The following LARGE1 variants were observed in gnomAD, a reference collection of about 807,000 sequenced individuals.
LARGE1 encodes xylosyl- and glucuronyltransferase LARGE1.
In LARGE1, 43 loss-of-function variants were observed where a neutral mutation model predicts 87.6. The observed-to-expected ratio is 0.49, with a 90% CI of 0.38 to 0.63. The LOEUF (loss-of-function observed/expected upper bound fraction) is 0.63, where lower values mean the gene tolerates loss of function less well. LARGE1 is among the 30% of genes least tolerant of loss of function. LARGE1 has a pLI of 0.00. For missense variants in LARGE1, 802 were observed against 1,000.2 expected, an observed-to-expected ratio of 0.80 and a Z score of 2.67; for synonymous variants, 434 against 394.6, an observed-to-expected ratio of 1.10 and a Z score of -1.18.
chr22:33,306,114 G>C (rs1220957243), intron 11 of LARGE1, among the ~76,000 whole-genome samples: 3 of 152,136 alleles, frequency 2.0e-5, no homozygotes, highest in Non-Finnish European at 4.4e-5. Context: ...AAAGTGCTGG[G>C]CTTACAGGCG....
chr22:33,385,211 C>G (rs1278417584), intron 7 of LARGE1, among the ~76,000 whole-genome samples: 1 of 148,538 alleles, frequency 6.7e-6, no homozygotes, highest in Admixed American at 6.7e-5. Context: ...GGGAAACTCC[C>G]CTTGTCTATA....
chr22:33,725,378 T>A (rs551984164), intron 2 of LARGE1, among the ~76,000 whole-genome samples: 1 of 152,322 alleles, frequency 6.6e-6, no homozygotes, highest in Admixed American at 6.5e-5. Context: ...AACTGTGCAA[T>A]AGTGCCTTTC....
intron 5 of LARGE1, among the ~76,000 whole-genome samples, chr22:33,595,315 G>A (rs1417720173): frequency 1.3e-5 from 2 of 152,076 alleles, no homozygotes; most frequent in South Asian, 2.1e-4. Flanking sequence ...CAATGCTCAG[G>A]ATGAGAAAAA....
chr22:33,383,934 A>G (rs1024280850), intron 8 of LARGE1, among the ~76,000 whole-genome samples: 1 of 152,196 alleles, frequency 6.6e-6, no homozygotes, highest in African/African-American at 2.4e-5. Context: ...TATCTCTGTC[A>G]TCCTTTTTCT....
At chr22:33,289,308 C>G (rs1012006717) in intron 12 of LARGE1, among the ~76,000 whole-genome samples, 1 of 152,130 alleles carries the variant, frequency 6.6e-6, no homozygotes, top group Admixed American at 6.5e-5. Flanking sequence ...CTTGCTGATA[C>G]AATGGGAAGC....
intron 1 of LARGE1, among the ~76,000 whole-genome samples, chr22:33,836,627 C>T (rs902595021): frequency 3.3e-5 from 5 of 152,108 alleles, no homozygotes; most frequent in Admixed American, 2.0e-4. Context: ...TCCATGGCTT[C>T]GAGTGGCAGC....
Position 33,368,662 on chromosome 22 carries a change from A to G in LARGE1, c.1131+13257T>C, listed in dbSNP as rs556946137. On this transcript the variant is annotated intron_variant, in intron 9 of 14. Transcript: ENST00000397394. Reference sequence around the variant, plus strand: ...TGTGTGTGCCTGTTTGTGTATATGTATTTGGACAGATATATATACAGGCAT... The same window carrying G: ...TGTGTGTGCCTGTTTGTGTATATGTGTTTGGACAGATATATATACAGGCAT... 4.2e-4 allele frequency among the ~76,000 whole-genome samples: 64 copies of G among 151,748 alleles called. 1 individual carries two copies. The highest frequency in any genetic ancestry group is 4.1e-4 in the Non-Finnish European group (28 of 67,952).
rs146284397 is a variant in LARGE1, at chr22:33,235,524, G to A, written c.1731-68692C>T. Reference sequence around the variant, plus strand: ...GTAGTTGCAAATGTTGGCTGAGGCTGTAGTCACATGAAAGCTTCATTAGAC... The same window carrying A: ...GTAGTTGCAAATGTTGGCTGAGGCTATAGTCACATGAAAGCTTCATTAGAC... On this transcript the variant is annotated intron_variant, in intron 11 of 11. Transcript: ENST00000608642. Among the ~76,000 whole-genome samples, 7 of 152,312 alleles carry A rather than the reference G, an allele frequency of 4.6e-5. 1 individual carries two copies. In the East Asian group the frequency reaches 1.4e-3, roughly 29 times the overall value.
Position 33,623,490 on chromosome 22 carries a change from C to T in LARGE1, c.491+2754G>A, listed in dbSNP as rs151136324. ...GACAGCCTCTACGGTGAACTGTTAT[C>T]TATTTGTTGATTGCTTACTTCTCCT... is the stretch of plus-strand genomic sequence containing the variant. On this transcript the variant is annotated intron_variant, in intron 4 of 14. Coordinates refer to ENST00000397394, the MANE Select transcript of LARGE1 (RefSeq NM_133642.5). 3.3e-4 allele frequency among the ~76,000 whole-genome samples: 50 copies of T among 152,204 alleles called. 1 individual carries two copies. The highest frequency in any genetic ancestry group is 1.2e-3 in the African/African-American group (48 of 41,530).
intron 6 of LARGE1, among the ~76,000 whole-genome samples, chr22:33,515,996 C>G (rs117442314): frequency 6.6e-6 from 1 of 152,340 alleles, no homozygotes; most frequent in East Asian, 1.9e-4. Flanking sequence ...TGTCCAGGCC[C>G]TCTAAGAGCC....
At chr22:33,555,865 G>A (rs555513114) in intron 6 of LARGE1, among the ~76,000 whole-genome samples, 2 of 151,598 alleles carry the variant, frequency 1.3e-5, no homozygotes, top group Non-Finnish European at 2.9e-5. Context: ...GGGAGGTGGA[G>A]GTTGCAGTGA....
chr22:33,208,984 G>C (rs1924824328), intron 11 of LARGE1, among the ~76,000 whole-genome samples: 1 of 152,194 alleles, frequency 6.6e-6, no homozygotes, highest in African/African-American at 2.4e-5. Flanking sequence ...ATGGGCATTT[G>C]GGTTGGTTCA....
intron 1 of LARGE1, among the ~76,000 whole-genome samples, chr22:33,788,836 G>A (rs1304036505): frequency 6.6e-6 from 1 of 152,152 alleles, no homozygotes; most frequent in East Asian, 1.9e-4. Context: ...GCTGTTAAAA[G>A]CATTCAGTTT....
chr22:33,649,779 G>A (rs760510546), intron 3 of LARGE1, among the ~76,000 whole-genome samples: 2 of 152,198 alleles, frequency 1.3e-5, no homozygotes, highest in Non-Finnish European at 2.9e-5. Flanking sequence ...CGTGGATGCA[G>A]GTATTTGAGG....
intron 11 of LARGE1, among the ~76,000 whole-genome samples, chr22:33,262,606 C>T (rs563612935): frequency 5.3e-5 from 8 of 152,224 alleles, no homozygotes; most frequent in South Asian, 2.1e-4. Context: ...CCTTAGGAAC[C>T]GTTAACTGAT....
rs1442676985 is a variant in LARGE1, at chr22:33,760,614, C to T, written c.106+757G>A. 2.6e-5 allele frequency among the ~76,000 whole-genome samples: 4 copies of T among 152,130 alleles called. No homozygotes were observed. In the East Asian group the frequency reaches 5.8e-4, roughly 22 times the overall value. On this transcript the variant is annotated intron_variant, in intron 2 of 14. Transcript: ENST00000397394. ...CATATTCTCAGCACCAAGTTTAGTG[C>T]AGGCATCCAATAATAACAACAACAC... is the stretch of plus-strand genomic sequence containing the variant.
At chr22:33,545,146 C>G (rs2077320171) in intron 6 of LARGE1, among the ~76,000 whole-genome samples, 1 of 152,130 alleles carries the variant, frequency 6.6e-6, no homozygotes, top group South Asian at 2.1e-4. Context: ...TTCTCTCACT[C>G]TAAATCTGCG....
At chr22:33,640,085 C>T (rs370988911) in intron 3 of LARGE1, among the ~76,000 whole-genome samples, 1 of 152,166 alleles carries the variant, frequency 6.6e-6, no homozygotes, top group African/African-American at 2.4e-5. Flanking sequence ...GGCCCTGCAC[C>T]GTGACAGGAT....
At chr22:33,148,460 G>C in the LARGE1 span, among the ~76,000 whole-genome samples, 1 of 152,130 alleles carries the variant, frequency 6.6e-6, no homozygotes, top group Non-Finnish European at 1.5e-5. Flanking sequence ...GCCACAGTTT[G>C]TTTATCCATT....
Sources: gnomAD v4.1 joint callset for allele counts (sites outside exome capture counted in the v4.1 genomes callset) on GRCh38, gnomAD v4.1.1 for gene constraint, MANE v1.5 for transcripts, NCBI Gene and HGNC (gene_info 2026-07-23, HGNC 2026-07-21) for gene names.